The following ROBO1 variants were observed in gnomAD, a reference collection of about 807,000 sequenced individuals.
The protein encoded by ROBO1 is roundabout homolog 1.
A neutral mutation model predicts 195.9 loss-of-function variants in ROBO1; 149 were observed. The ratio of observed to expected loss-of-function variants is 0.76; its 90% CI spans 0.67 to 0.87. The LOEUF (loss-of-function observed/expected upper bound fraction) is 0.87. Among genes scored for constraint, ROBO1 ranks in the 40% least tolerant of loss-of-function variants. The pLI, the probability that ROBO1 is intolerant of heterozygous loss-of-function variation, is 0.00. For missense variants in ROBO1, 1,933 were observed against 2,068.3 expected (o/e 0.93, Z 1.27); for synonymous variants, 816 against 733.2 (o/e 1.11, Z -1.82).
intron 3 of ROBO1, among the ~76,000 whole-genome samples, chr3:78,967,892 T>C (rs147485370): frequency 1.3e-5 from 2 of 152,300 alleles, no homozygotes; most frequent in Middle Eastern, 3.4e-3. Flanking sequence ...ACTGGCTATA[T>C]AGTTAAGGTC....
In ROBO1 at chr3:78,801,422, T is replaced by C. The variant is rs909285020; in HGVS notation, c.500-54522A>G. On this transcript the variant is annotated intron_variant, in intron 4 of 30. Coordinates refer to ENST00000464233, the MANE Select transcript of ROBO1 (RefSeq NM_002941.4). ...ATGCTTCAATATACAAAAGCTTATATAAAAATATTAATATCAAAGTCTAAA... is the reference window on the plus strand; with the variant it reads ...ATGCTTCAATATACAAAAGCTTATACAAAAATATTAATATCAAAGTCTAAA... Among the ~76,000 whole-genome samples, 17 of 152,262 alleles carry C rather than the reference T, an allele frequency of 1.1e-4. 1 individual carries two copies. Among genetic ancestry groups the C allele is most frequent in the Admixed American group, 6.5e-4 (10 of 15,296 alleles).
Position 78,895,318 on chromosome 3 carries a change from G to T in ROBO1, c.499+43283C>A, listed in dbSNP as rs187928512. Among the ~76,000 whole-genome samples, 4 of 152,238 alleles carry T rather than the reference G, an allele frequency of 2.6e-5. No homozygotes were observed. In the East Asian group the frequency reaches 7.7e-4, roughly 29 times the overall value. On this transcript the variant is annotated intron_variant, in intron 4 of 30. Transcript: ENST00000464233. ...AAATAGAAAAGAAAAGGGAAGAAAA[G>T]AGAGAAAGAAAGAGAAAAAAAGTAA...
intron 2 of ROBO1, among the ~76,000 whole-genome samples, chr3:79,389,687 G>C (rs546579540): frequency 6.6e-6 from 1 of 152,214 alleles, no homozygotes; most frequent in South Asian, 2.1e-4. Flanking sequence ...TCCAATTTTG[G>C]AGAATAATGC....
intron 5 of ROBO1, among the ~76,000 whole-genome samples, chr3:78,727,550 A>G (rs899596440): frequency 3.9e-5 from 6 of 152,250 alleles, no homozygotes; most frequent in African/African-American, 7.2e-5. Context: ...GCGTGAACCC[A>G]GGAGGCGGAG....
At chr3:79,221,638 T>C (rs1196497986) in intron 2 of ROBO1, among the ~76,000 whole-genome samples, 1 of 152,122 alleles carries the variant, frequency 6.6e-6, no homozygotes, top group Non-Finnish European at 1.5e-5. Flanking sequence ...TAAAAATGAA[T>C]AATGTGCCAC....
rs1275186735 is a variant in ROBO1 at position 78,746,055 on chromosome 3, A to G, written c.657+688T>C. ...GAAATATTGAGCAACCACAAAATCA[A>G]TGAGGGCTTGGTGACTGAGGTGCTT... On this transcript the variant is annotated intron_variant, in intron 5 of 30. Transcript: ENST00000464233. 3.9e-5 allele frequency among the ~76,000 whole-genome samples: 6 copies of G among 152,196 alleles called. No homozygotes were observed. The East Asian group carries it at 1.2e-3, about 29-fold the overall frequency.
In ROBO1 at chr3:79,586,388, A is replaced by C. The variant is rs182942128; in HGVS notation, c.88+3436T>G. Among the ~76,000 whole-genome samples the C allele has an allele frequency of 6.2e-3, 941 of 151,998 alleles. 12 individuals are homozygous for C. Among genetic ancestry groups the C allele is most frequent in the Non-Finnish European group, 7.0e-3 (475 of 67,898 alleles). On this transcript the variant is annotated intron_variant, in intron 2 of 30. Transcript: ENST00000464233. ...GGTGGTCAATGGATGGGTGGGGCAG[A>C]TAAGCAGTAAATCATTTCAGAAAAT...
At chr3:79,529,156 A>G (rs1941549120) in intron 2 of ROBO1, among the ~76,000 whole-genome samples, 1 of 152,172 alleles carries the variant, frequency 6.6e-6, no homozygotes, top group Non-Finnish European at 1.5e-5. Flanking sequence ...GGTTTGAAAA[A>G]AGTTACTTCT....
At chr3:79,554,845 A>G (rs1468892138) in intron 2 of ROBO1, among the ~76,000 whole-genome samples, 1 of 152,142 alleles carries the variant, frequency 6.6e-6, no homozygotes, top group Non-Finnish European at 1.5e-5. Context: ...GAAGTAATCA[A>G]TATCTAACTC....
intron 4 of ROBO1, among the ~76,000 whole-genome samples, chr3:78,899,517 A>G (rs2037456548): frequency 6.6e-6 from 1 of 152,202 alleles, no homozygotes; most frequent in Non-Finnish European, 1.5e-5. Flanking sequence ...TGTGTTAGGC[A>G]ATGTCTAGAA....
Position 78,873,573 on chromosome 3 carries a change from G to A in ROBO1, c.499+65028C>T, listed in dbSNP as rs550116710. On this transcript the variant is annotated intron_variant, in intron 4 of 30. Coordinates refer to ENST00000464233, the MANE Select transcript of ROBO1 (RefSeq NM_002941.4). Reference sequence around the variant, plus strand: ...AATAAAAAATACGAAGCCAATTTTGGAAAATATTCCTACAAAAATTTCTAA... The same window carrying A: ...AATAAAAAATACGAAGCCAATTTTGAAAAATATTCCTACAAAAATTTCTAA... 5.3e-5 allele frequency among the ~76,000 whole-genome samples: 8 copies of A among 151,994 alleles called. No homozygotes were observed. The South Asian group carries it at 1.5e-3, about 28-fold the overall frequency.
Position 79,134,022 on chromosome 3 carries a change from C to A in ROBO1, c.89-8483G>T, listed in dbSNP as rs369341507. 1.3e-3 allele frequency among the ~76,000 whole-genome samples: 197 copies of A among 150,958 alleles called. 4 individuals are homozygous for A. Among genetic ancestry groups the A allele is most frequent in the East Asian group, 0.013 (65 of 5,058 alleles). ...ACACCAAAAGCAATGGCAACAAAAG[C>A]CAAAATTGACAAATGGGATCTAATT... On this transcript the variant is annotated intron_variant, in intron 2 of 30. Transcript: ENST00000464233.
chr3:79,245,413 G>A (rs1190720680), intron 2 of ROBO1, among the ~76,000 whole-genome samples: 1 of 152,042 alleles, frequency 6.6e-6, no homozygotes, highest in Non-Finnish European at 1.5e-5. Flanking sequence ...AAACATTTGT[G>A]TCCTTCCTAG....
At position 78,975,205 on chromosome 3, in the gene ROBO1, A is replaced by G. The variant is rs58631427; in HGVS notation, c.173-36278T>C. 8.1e-4 allele frequency among the ~76,000 whole-genome samples: 123 copies of G among 152,296 alleles called. 1 individual carries two copies. The highest frequency in any genetic ancestry group is 2.8e-3 in the African/African-American group (118 of 41,576). On this transcript the variant is annotated intron_variant, in intron 3 of 30. Transcript: ENST00000464233. ...AATCTCACTCTTATATCTTCAATTT[A>G]TACTTAAACTAAAATATCTTCCACA...
chr3:79,752,494 G>T (rs945905951), intron 1 of ROBO1, among the ~76,000 whole-genome samples: 2 of 152,018 alleles, frequency 1.3e-5, no homozygotes, highest in Non-Finnish European at 2.9e-5. Context: ...TTATAGAAAG[G>T]GCTTTAGAAT....
At chr3:79,277,980 T>C (rs978207003) in intron 2 of ROBO1, among the ~76,000 whole-genome samples, 1 of 152,036 alleles carries the variant, frequency 6.6e-6, no homozygotes, top group Non-Finnish European at 1.5e-5. Flanking sequence ...AGATGCAGGA[T>C]ATAAAATTAA....
intron 2 of ROBO1, among the ~76,000 whole-genome samples, chr3:79,460,410 A>G (rs575692760): frequency 1.3e-5 from 2 of 152,344 alleles, no homozygotes; most frequent in South Asian, 4.1e-4. Flanking sequence ...AATATATTTT[A>G]AGTAGTATTC....
intron 3 of ROBO1, among the ~76,000 whole-genome samples, chr3:79,080,947 C>A (rs751536938): frequency 2.0e-5 from 3 of 151,896 alleles, no homozygotes; most frequent in Non-Finnish European, 4.4e-5. Flanking sequence ...TGAATAGAGC[C>A]AAGCAAATCA....
At chr3:79,683,558 T>TACAAACAA (rs542954673) in intron 1 of ROBO1, among the ~76,000 whole-genome samples, 13 of 152,196 alleles carry the variant, frequency 8.5e-5, no homozygotes, top group Non-Finnish European at 4.4e-5. Context: ...TGTTTATCAC[T>TACAAACAA]ACAAACAAAC....
Sources: allele counts gnomAD v4.1 joint callset (sites outside exome capture counted in the v4.1 genomes callset), GRCh38; gene constraint gnomAD v4.1.1; transcripts MANE v1.5; gene names NCBI Gene and HGNC (gene_info 2026-07-23, HGNC 2026-07-21).